Variants in ROPN1L observed in about 807,000 individuals in gnomAD.
The protein encoded by ROPN1L is ropporin-1-like protein.
In ROPN1L, 23 loss-of-function variants were observed where a neutral mutation model predicts 22.7. The observed-to-expected ratio is 1.01, with a 90% confidence interval of 0.73 to 1.43. The LOEUF (loss-of-function observed/expected upper bound fraction) is 1.43. Ranked by LOEUF, ROPN1L falls within the 40% of genes most tolerant of loss-of-function variation. ROPN1L has a pLI of 0.00. For synonymous variants in ROPN1L, 116 were observed against 117.8 expected (o/e 0.98, Z 0.10); for missense variants, 271 against 291.5 (o/e 0.93, Z 0.51).
chr5:10,470,899 T>C (rs1579664303), intron 4 of ROPN1L, among the ~76,000 whole-genome samples: 1 of 152,216 alleles, frequency 6.6e-6, no homozygotes, highest in East Asian at 1.9e-4. Context: ...GTACGGGTTT[T>C]GCAGCTAATT....
chr5:10,444,227 T>G (rs186919206), intron 1 of ROPN1L, among the ~76,000 whole-genome samples: 90 of 152,358 alleles, frequency 5.9e-4, no homozygotes, highest in Middle Eastern at 3.4e-3. Context: ...CAACATCTTC[T>G]TGGAACATTA....
chr5:10,479,814 C>T, the ROPN1L span, among the ~76,000 whole-genome samples: 1 of 151,998 alleles, frequency 6.6e-6, no homozygotes, highest in Admixed American at 6.6e-5. Context: ...GGCACGATCT[C>T]GGCTCACGCA....
At chr5:10,454,954 C>A (rs1195115718) in intron 3 of ROPN1L, among the ~76,000 whole-genome samples, 3 of 152,134 alleles carry the variant, frequency 2.0e-5, no homozygotes, top group African/African-American at 7.2e-5. Flanking sequence ...AATGTGCAGC[C>A]CACAGGTTAG....
At chr5:10,465,139 T>C (rs1013308303), downstream of ROPN1L, 4 of 401,680 alleles carry the variant, frequency 1.0e-5, no homozygotes, top group Non-Finnish European at 1.8e-5. Flanking sequence ...GTGTAAGAAG[T>C]TGATAACAGT....
chr5:10,476,033 G>A (rs1357132862), downstream of ROPN1L, among the ~76,000 whole-genome samples: 1 of 152,218 alleles, frequency 6.6e-6, no homozygotes, highest in Non-Finnish European at 1.5e-5. Flanking sequence ...GCAGGGAGGA[G>A]GCCATTGTCT....
intron 1 of ROPN1L, among the ~76,000 whole-genome samples, chr5:10,445,335 G>A (rs1042662130): frequency 1.3e-5 from 2 of 152,218 alleles, no homozygotes; most frequent in Non-Finnish European, 1.5e-5. Flanking sequence ...ATATGTAATT[G>A]TAGGTTCAAA....
At chr5:10,452,349 T>TG (rs1741288002) in intron 3 of ROPN1L, among the ~76,000 whole-genome samples, 1 of 149,330 alleles carries the variant, frequency 6.7e-6, no homozygotes, top group African/African-American at 2.5e-5. Context: ...GTATTTTTTT[T>TG]TTTTTGAGAC....
intron 1 of ROPN1L, 74 bp downstream of exon 1, chr5:10,442,372 G>A: frequency 1.3e-6 from 2 of 1,576,046 alleles, no homozygotes; most frequent in Middle Eastern, 1.8e-4. Context: ...CCCTCCTCCC[G>A]GACCAGGGGC....
downstream of ROPN1L, among the ~76,000 whole-genome samples, chr5:10,468,232 A>G (rs994338338): frequency 1.3e-5 from 2 of 152,196 alleles, no homozygotes; most frequent in African/African-American, 4.8e-5. Flanking sequence ...CTAATTTTGT[A>G]ATTAACAAAA....
chr5:10,457,177 A>G lies in ROPN1L; in HGVS notation c.418-4007A>G, dbSNP rs1741447732. 2.0e-5 allele frequency among the ~76,000 whole-genome samples: 3 copies of G among 152,122 alleles called. No individual in the cohort carries two copies. In the South Asian group the frequency reaches 6.2e-4, roughly 31 times the overall value. On this transcript the variant is annotated intron_variant, in intron 3 of 4. Transcript: ENST00000274134. ...AGCAGGTTCTGCACTTTTCCTAGAG[A>G]GAGCATCATGTTGCCCTGGGAGCTG... is the stretch of plus-strand genomic sequence containing the variant.
chr5:10,458,621 A>C (rs1161744511), intron 3 of ROPN1L, among the ~76,000 whole-genome samples: 2 of 41,118 alleles, frequency 4.9e-5, no homozygotes. Context: ...CACCATGTAC[A>C]TCATCCCCCC....
intron 3 of ROPN1L, among the ~76,000 whole-genome samples, chr5:10,452,341 A>AT (rs1195190147): frequency 0.012 from 1,249 of 106,794 alleles, 14 homozygotes; most frequent in Middle Eastern, 0.023. Flanking sequence ...GTGTGTGTGT[A>AT]TTTTTTTTTT....
chr5:10,452,585 G>A (rs926067246), intron 3 of ROPN1L, among the ~76,000 whole-genome samples: 25 of 151,568 alleles, frequency 1.6e-4, no homozygotes, highest in African/African-American at 4.4e-4. Flanking sequence ...TGATCTGCCC[G>A]CCTCGGCCTC....
intron 3 of ROPN1L, among the ~76,000 whole-genome samples, chr5:10,454,256 C>T (rs771474457): frequency 2.6e-5 from 4 of 152,004 alleles, no homozygotes; most frequent in Non-Finnish European, 5.9e-5. Context: ...CCTCCCAAGT[C>T]GGGATTACAG....
chr5:10,464,100 G>C (rs750438653), intron 4 of ROPN1L, among the ~76,000 whole-genome samples: 3 of 152,144 alleles, frequency 2.0e-5, no homozygotes, highest in Non-Finnish European at 2.9e-5. Context: ...AGCCGTCCTC[G>C]TCTCCTTGTC....
At chr5:10,460,815 C>A (rs1029169927) in intron 3 of ROPN1L, among the ~76,000 whole-genome samples, 2 of 152,262 alleles carry the variant, frequency 1.3e-5, no homozygotes, top group Non-Finnish European at 2.9e-5. Context: ...GTTCATTCAG[C>A]CCCTGGGCAC....
At chr5:10,461,938 A>G (rs1353504519) in intron 4 of ROPN1L, among the ~76,000 whole-genome samples, 1 of 152,162 alleles carries the variant, frequency 6.6e-6, no homozygotes, top group African/African-American at 2.4e-5. Context: ...CCTGCCCGCA[A>G]ATGAGCTCTT....
At chr5:10,472,662 G>A (rs1008753619), downstream of ROPN1L, among the ~76,000 whole-genome samples, 15 of 152,090 alleles carry the variant, frequency 9.9e-5, no homozygotes, top group African/African-American at 2.7e-4. Context: ...AACCCCATAC[G>A]TGCCAGGCCT....
At chr5:10,474,350 A>G (rs1474423289), downstream of ROPN1L, among the ~76,000 whole-genome samples, 8 of 152,108 alleles carry the variant, frequency 5.3e-5, no homozygotes, top group South Asian at 4.1e-4. Flanking sequence ...TGGTGGGACA[A>G]TTACCCCCTC....
Sources: gnomAD v4.1 joint callset for allele counts (sites outside exome capture counted in the v4.1 genomes callset) on GRCh38, gnomAD v4.1.1 for gene constraint, MANE v1.5 for transcripts, NCBI Gene and HGNC (gene_info 2026-07-23, HGNC 2026-07-21) for gene names.